Variants in PCDHA10 observed in about 807,000 individuals in gnomAD.
PCDHA10 encodes the protein protocadherin alpha 10.
Under a neutral mutation model 61.2 loss-of-function variants are expected in PCDHA10, and 45 were observed. That is an observed-to-expected ratio of 0.74 (90% CI 0.58 to 0.94). The LOEUF (loss-of-function observed/expected upper bound fraction) is 0.94. Among genes scored for constraint, PCDHA10 ranks in the 40% least tolerant of loss-of-function variants. PCDHA10 has a pLI of 0.00. For synonymous variants in PCDHA10, 602 were observed against 548.8 expected (o/e 1.10, Z -1.35); for missense variants, 1,278 against 1,236.2 (o/e 1.03, Z -0.51).
chr5:140,949,313 A>G (rs989940621), intron 1 of PCDHA10, among the ~76,000 whole-genome samples: 1 of 151,952 alleles, frequency 6.6e-6, no homozygotes, highest in Non-Finnish European at 1.5e-5. Context: ...GTAATGATTT[A>G]TAAATATAAA....
At chr5:140,913,667 G>A (rs2076425699) in intron 1 of PCDHA10, among the ~76,000 whole-genome samples, 2 of 152,000 alleles carry the variant, frequency 1.3e-5, no homozygotes, top group South Asian at 2.1e-4. Flanking sequence ...GTATAGTTAG[G>A]TTATTTAAAA....
intron 1 of PCDHA10, chr5:140,928,209 T>C: frequency 6.2e-7 from 1 of 1,614,222 alleles, no homozygotes; most frequent in South Asian, 1.1e-5. Flanking sequence ...CTGATGTGAA[T>C]GACAATACAC....
At chr5:140,859,812 C>T (rs1238470034) in intron 1 of PCDHA10, 3 of 152,286 alleles carry the variant, frequency 2.0e-5, no homozygotes, top group African/African-American at 7.3e-5. Flanking sequence ...TAAGTTAATG[C>T]AGAGTTTAGA....
Position 141,009,969 on chromosome 5 carries a change from GT to G in PCDHA10, c.*37del, listed in dbSNP as rs2098415622. On this transcript the variant is annotated 3_prime_UTR_variant, in exon 4 of 4. Coordinates refer to ENST00000307360, the MANE Select transcript of PCDHA10 (RefSeq NM_018901.4). ...CAAATGGAAACAAGCCACTTAGCCA[GT>G]TTTTGTAATAATGGCAAATCTCTCC... 6.3e-7 allele frequency: 1 copy of G among 1,586,478 alleles called. No homozygotes were observed. The highest frequency in any genetic ancestry group is 1.8e-5 in the Admixed American group (1 of 54,174).
chr5:140,999,814 G>A (rs143341016), intron 3 of PCDHA10, among the ~76,000 whole-genome samples: 1 of 152,286 alleles, frequency 6.6e-6, no homozygotes, highest in African/African-American at 2.4e-5. Context: ...CAAAGCAAGA[G>A]CTGTGGCTTT....
At chr5:140,880,514 TC>T (rs1459255635) in intron 1 of PCDHA10, among the ~76,000 whole-genome samples, 1 of 152,198 alleles carries the variant, frequency 6.6e-6, no homozygotes, top group Non-Finnish European at 1.5e-5. Context: ...TTTGGTCACA[TC>T]TCTCAATGTG....
chr5:140,856,401 T>C lies in PCDHA10; in HGVS notation c.353T>C (p.Val118Ala), dbSNP rs782164641. ...IVDRPLQVFHVDVEVKDINDN... is the reference protein window; with the variant it reads ...IVDRPLQVFHADVEVKDINDN... ...GACAGGCCGCTGCAGGTTTTCCATG[T>C]GGACGTGGAAGTGAAGGACATTAAC... The change falls in exon 1 of 4, where the codon GTG becomes GCG. Residue 118 changes from valine to alanine, a missense_variant. Val to Ala is a moderately conservative substitution (Grantham distance 64). Coordinates refer to ENST00000307360, the MANE Select transcript of PCDHA10 (RefSeq NM_018901.4). 20 of 1,598,386 alleles carry C rather than the reference T, an allele frequency of 1.3e-5. No individual in the cohort carries two copies. The highest frequency in any genetic ancestry group is 4.3e-6 in the Non-Finnish European group (5 of 1,167,976).
chr5:140,993,526 A>G (rs1554253825), intron 3 of PCDHA10, among the ~76,000 whole-genome samples: 1 of 147,824 alleles, frequency 6.8e-6, no homozygotes, highest in Admixed American at 6.7e-5. Flanking sequence ...AGAGAGACAG[A>G]GAGAGAGAGA....
At chr5:140,968,563 T>G in intron 1 of PCDHA10, 1 of 1,614,204 alleles carries the variant, frequency 6.2e-7, no homozygotes, top group South Asian at 1.1e-5. Context: ...GAACTGCCCC[T>G]GCTGGCTACC....
rs1554150504 is a variant in PCDHA10 at position 140,857,678 on chromosome 5, C to G, written c.1630C>G (p.Leu544Val). 2 of 1,597,010 alleles carry G rather than the reference C, an allele frequency of 1.3e-6. No individual in the cohort carries two copies. The highest frequency in any genetic ancestry group is 1.3e-5 in the African/African-American group (1 of 74,322). Residue 544 changes from leucine to valine, a missense_variant, in exon 1 of 4, where the codon CTG becomes GTG. Physicochemically the swap from Leu to Val is conservative, Grantham distance 32. Transcript: ENST00000307360. ...CGCGCGCGATGGGGGCGTGCCGCCT[C>G]TGGGCAGCAACTTGACGCTGCAGGT... ...VSARDGGVPP[L>V]GSNLTLQVFV...
intron 1 of PCDHA10, among the ~76,000 whole-genome samples, chr5:140,886,698 C>A (rs578140955): frequency 2.0e-5 from 3 of 151,820 alleles, no homozygotes; most frequent in Non-Finnish European, 4.4e-5. Flanking sequence ...TGGTGGCACG[C>A]GCCTGTAATC....
intron 1 of PCDHA10, chr5:140,966,881 C>A: frequency 6.3e-7 from 1 of 1,589,072 alleles, no homozygotes. Context: ...GCTACCTGGC[C>A]CTGCGGCCTC....
At chr5:140,926,330 G>T (rs1269020840) in intron 1 of PCDHA10, 1 of 152,266 alleles carries the variant, frequency 6.6e-6, no homozygotes, top group East Asian at 1.9e-4. Flanking sequence ...CGGGGTCAGA[G>T]CGCCGGGACC....
chr5:140,970,293 T>C (rs2096396195), intron 1 of PCDHA10, among the ~76,000 whole-genome samples: 3 of 152,220 alleles, frequency 2.0e-5, no homozygotes, highest in Admixed American at 2.0e-4. Context: ...TTTCAAGTCC[T>C]TCATGTCTTT....
chr5:140,946,271 A>G (rs2093916351), intron 1 of PCDHA10, among the ~76,000 whole-genome samples: 1 of 152,058 alleles, frequency 6.6e-6, no homozygotes, highest in Non-Finnish European at 1.5e-5. Context: ...GCGAATTAAA[A>G]CCCCAATGAG....
intron 1 of PCDHA10, chr5:140,930,208 A>C (rs939593947): frequency 6.6e-6 from 1 of 152,220 alleles, no homozygotes; most frequent in African/African-American, 2.4e-5. Flanking sequence ...AGAAATATTT[A>C]TGTGTTCAAA....
At chr5:140,906,753 T>G (rs2072907402) in intron 1 of PCDHA10, among the ~76,000 whole-genome samples, 1 of 152,224 alleles carries the variant, frequency 6.6e-6, no homozygotes, top group Non-Finnish European at 1.5e-5. Context: ...CAGGGCATGG[T>G]AATACTAAGA....
At chr5:140,865,937 T>A (rs529378074) in intron 1 of PCDHA10, 1 of 152,330 alleles carries the variant, frequency 6.6e-6, no homozygotes, top group South Asian at 2.1e-4. Context: ...AGAAACTTCA[T>A]GATTGTCTTC....
chr5:140,861,559 A>G (rs2046978123), intron 1 of PCDHA10: 2 of 393,478 alleles, frequency 5.1e-6, no homozygotes, highest in Non-Finnish European at 5.3e-6. Context: ...GTGATCGTGG[A>G]CAAGCTGCTA....
Sources: allele counts gnomAD v4.1 joint callset (sites outside exome capture counted in the v4.1 genomes callset), GRCh38; gene constraint gnomAD v4.1.1; transcripts MANE v1.5; gene names NCBI Gene and HGNC (gene_info 2026-07-23, HGNC 2026-07-21).